The following TACC1 variants were observed in gnomAD, a reference collection of about 807,000 sequenced individuals.
TACC1 encodes transforming acidic coiled-coil containing protein 1.
A neutral mutation model predicts 84.4 loss-of-function variants in TACC1; 48 were observed. The ratio of observed to expected loss-of-function variants is 0.57; its 90% CI spans 0.45 to 0.72. The LOEUF (loss-of-function observed/expected upper bound fraction) is 0.72. Ranked by LOEUF, TACC1 falls within the 30% of genes least tolerant of loss-of-function variation. The pLI is 0.00. For missense variants in TACC1, 920 were observed against 973.0 expected, an observed-to-expected ratio of 0.95 and a Z score of 0.72; for synonymous variants, 372 against 376.3, an observed-to-expected ratio of 0.99 and a Z score of 0.13.
At chr8:38,806,280 C>T (rs1431982087) in intron 2 of TACC1, among the ~76,000 whole-genome samples, 1 of 152,146 alleles carries the variant, frequency 6.6e-6, no homozygotes, top group East Asian at 1.9e-4. Flanking sequence ...AGAGCAATGA[C>T]CTTGACTCCG....
At chr8:38,806,260 G>A (rs73677608) in intron 2 of TACC1, among the ~76,000 whole-genome samples, 1,694 of 152,238 alleles carry the variant, frequency 0.011, 30 homozygotes, top group African/African-American at 0.039. Context: ...TCTCAGTGGT[G>A]TGACAGTACA....
intron 2 of TACC1, among the ~76,000 whole-genome samples, chr8:38,794,155 G>A (rs1819413235): frequency 6.6e-6 from 1 of 152,094 alleles, no homozygotes; most frequent in African/African-American, 2.4e-5. Context: ...ATTTTCAATT[G>A]ACTCAAAGAT....
chr8:38,849,165 A>G lies in TACC1; in HGVS notation c.*1142A>G, dbSNP rs1411960956. On this transcript the variant is annotated 3_prime_UTR_variant, in exon 13 of 13. Transcript: ENST00000317827. ...AAAATACCTTCTAACTTAAGACAGA[A>G]TTTTTAACAAAATGAGCAGTAAAAG... The G allele has an allele frequency of 6.6e-6, 1 of 151,176 alleles. No individual in the cohort carries two copies. 9.4% of individuals were successfully genotyped at this position (151,176 alleles called of 1,614,324 possible).
Position 38,848,121 on chromosome 8 carries a change from GAA to G in TACC1, c.*108_*109del. ...CCAGGAATAATTGCCCCTTTGCAGA[GAA>G]AAAAAAAAACTTAAAAAAAGCACAT... On this transcript the variant is annotated 3_prime_UTR_variant, in exon 13 of 13. Transcript: ENST00000317827. 11 of 973,736 alleles carry G rather than the reference GAA, an allele frequency of 1.1e-5. No individual in the cohort carries two copies. The highest frequency in any genetic ancestry group is 3.0e-5 in the Admixed American group (1 of 32,870). The allele number at this position is 973,736 out of a possible 1,614,324, so 60.3% of individuals were successfully genotyped here. A position where few individuals can be genotyped will look rare whatever the true frequency, so the allele number is the denominator to read the frequency against.
intron 3 of TACC1, among the ~76,000 whole-genome samples, chr8:38,778,050 G>A (rs544677318): frequency 6.6e-5 from 10 of 152,216 alleles, no homozygotes; most frequent in Non-Finnish European, 8.8e-5. Flanking sequence ...GAAATTCAAA[G>A]AGTAGAGGTG....
chr8:38,798,606 C>CGTGT (rs10631964), intron 2 of TACC1, among the ~76,000 whole-genome samples: 5,789 of 143,450 alleles, frequency 0.04, 197 homozygotes, highest in African/African-American at 0.082. Flanking sequence ...CTGGGTTCTG[C>CGTGT]GTGTGTGTGT....
intron 2 of TACC1, among the ~76,000 whole-genome samples, chr8:38,792,462 T>TTTTTG (rs1818894600): frequency 6.7e-6 from 1 of 150,110 alleles, no homozygotes; most frequent in Admixed American, 6.6e-5. Flanking sequence ...CCTGGCTAAT[T>TTTTTG]TTTTGTTTTG....
At chr8:38,744,411 G>A (rs74716243) in intron 2 of TACC1, among the ~76,000 whole-genome samples, 9 of 152,000 alleles carry the variant, frequency 5.9e-5, no homozygotes, top group East Asian at 1.9e-4. Context: ...CCACCGCACC[G>A]AGCCTGACAC....
intron 3 of TACC1, among the ~76,000 whole-genome samples, chr8:38,779,389 T>C (rs958871624): frequency 6.6e-6 from 1 of 152,178 alleles, no homozygotes; most frequent in Admixed American, 6.5e-5. Context: ...GGCTGCCCAG[T>C]AACATGGGCT....
At chr8:38,738,171 C>A (rs534430276) in intron 1 of TACC1, among the ~76,000 whole-genome samples, 3 of 151,966 alleles carry the variant, frequency 2.0e-5, no homozygotes, top group African/African-American at 7.3e-5. Context: ...GAGGCTGAGG[C>A]AGGAGGAGCC....
At chr8:38,762,474 A>G (rs1811393374) in intron 3 of TACC1, among the ~76,000 whole-genome samples, 1 of 152,098 alleles carries the variant, frequency 6.6e-6, no homozygotes, top group Admixed American at 6.5e-5. Context: ...GCTGAACAGT[A>G]TTCCATTGTG....
chr8:38,783,082 CTAT>C (rs1563440249), upstream of TACC1, among the ~76,000 whole-genome samples: 170 of 107,372 alleles, frequency 1.6e-3, 1 homozygote, highest in African/African-American at 7.3e-3. Context: ...ATCTATCTAT[CTAT>C]CTATCTATCT....
At chr8:38,808,392 C>G (rs747911479) in intron 2 of TACC1, among the ~76,000 whole-genome samples, 2 of 152,134 alleles carry the variant, frequency 1.3e-5, no homozygotes, top group Non-Finnish European at 2.9e-5. Context: ...TGGTGTGATA[C>G]TTGAAGTTTA....
At chr8:38,773,251 G>A (rs1311817672) in intron 3 of TACC1, among the ~76,000 whole-genome samples, 1 of 151,964 alleles carries the variant, frequency 6.6e-6, no homozygotes, top group Non-Finnish European at 1.5e-5. Context: ...GCTTGAAATT[G>A]GAAAGTGGAG....
intron 2 of TACC1, among the ~76,000 whole-genome samples, chr8:38,803,430 T>G (rs186999064): frequency 1.3e-5 from 2 of 152,338 alleles, no homozygotes; most frequent in African/African-American, 4.8e-5. Flanking sequence ...ATTGAGGAAG[T>G]TCTCTTCTAG....
In TACC1 at chr8:38,842,367, C is replaced by G. The variant is rs371533448; in HGVS notation, c.2041C>G (p.Leu681Val). 5.0e-6 allele frequency: 8 copies of G among 1,614,070 alleles called. No homozygotes were observed. The highest frequency in any genetic ancestry group is 6.8e-6 in the Non-Finnish European group (8 of 1,180,046). The part of the protein sequence containing the change: ...TMEKEQALAD[L>V]NSVERSLSDL... ...GGAGAAGGAACAGGCCCTGGCTGAC[C>G]TTAACTCTGTGGAAAGGTCCCTTTC... is the stretch of plus-strand genomic sequence containing the variant. The change falls in exon 10 of 13, where the codon CTT becomes GTT. Residue 681 changes from leucine to valine, a missense_variant. This residue lies in a region of TACC1 where 158 missense variants were observed against 225.6 expected (regional missense o/e 0.70). Coordinates refer to ENST00000317827, the MANE Select transcript of TACC1 (RefSeq NM_006283.3).
chr8:38,841,026 G>T (rs763569338), intron 9 of TACC1, among the ~76,000 whole-genome samples: 1 of 152,158 alleles, frequency 6.6e-6, no homozygotes, highest in African/African-American at 2.4e-5. Flanking sequence ...TCCAGCCTGG[G>T]CAATGAGCAA....
At chr8:38,731,784 G>A (rs930007632) in intron 1 of TACC1, among the ~76,000 whole-genome samples, 3 of 146,072 alleles carry the variant, frequency 2.1e-5, no homozygotes, top group African/African-American at 7.5e-5. Flanking sequence ...AGTCTTTAGG[G>A]TTGGCATTGC....
intron 4 of TACC1, among the ~76,000 whole-genome samples, chr8:38,826,177 A>G (rs896392857): frequency 1.3e-5 from 2 of 152,180 alleles, no homozygotes; most frequent in Non-Finnish European, 2.9e-5. Flanking sequence ...AACTTGGTAT[A>G]TGGTGTAAGA....
Sources: allele counts gnomAD v4.1 joint callset (sites outside exome capture counted in the v4.1 genomes callset), GRCh38; gene constraint gnomAD v4.1.1; regional missense constraint gnomAD v4.1.1; transcripts MANE v1.5; gene names NCBI Gene and HGNC (gene_info 2026-07-23, HGNC 2026-07-21).